Variants in RNLS observed in about 807,000 individuals in gnomAD.
The protein encoded by RNLS is renalase.
A neutral mutation model predicts 39.8 loss-of-function variants in RNLS; 39 were observed. The ratio of observed to expected loss-of-function variants is 0.98; its 90% CI spans 0.76 to 1.28. RNLS has a LOEUF of 1.28. RNLS is among the 50% of genes most tolerant of loss of function. RNLS has a pLI of 0.00. For synonymous variants in RNLS, 147 were observed against 150.7 expected, an observed-to-expected ratio of 0.98 and a Z score of 0.18; for missense variants, 410 against 413.3, an observed-to-expected ratio of 0.99 and a Z score of 0.07.
At chr10:88,571,640 T>C (rs531956064) in intron 4 of RNLS, among the ~76,000 whole-genome samples, 1 of 152,312 alleles carries the variant, frequency 6.6e-6, no homozygotes, top group East Asian at 1.9e-4. Context: ...GTGCAACTTC[T>C]TGGAGAAATG....
chr10:88,327,029 T>G (rs1016222309), intron 5 of RNLS, among the ~76,000 whole-genome samples: 41 of 152,194 alleles, frequency 2.7e-4, no homozygotes, highest in African/African-American at 9.6e-4. Context: ...AATGGGAGCA[T>G]TTATCCAATG....
At chr10:88,559,952 T>C (rs1010932945) in intron 4 of RNLS, among the ~76,000 whole-genome samples, 7 of 152,140 alleles carry the variant, frequency 4.6e-5, no homozygotes, top group African/African-American at 1.7e-4. Context: ...TATTTTTTAT[T>C]AATATATCAT....
intron 4 of RNLS, among the ~76,000 whole-genome samples, chr10:88,402,821 G>A (rs1853016223): frequency 1.3e-5 from 2 of 151,934 alleles, no homozygotes; most frequent in East Asian, 3.9e-4. Flanking sequence ...ATTGACAAAA[G>A]TACTGACAAG....
chr10:88,341,705 A>G (rs1239192087), intron 5 of RNLS, among the ~76,000 whole-genome samples: 2 of 152,178 alleles, frequency 1.3e-5, no homozygotes, highest in African/African-American at 4.8e-5. Flanking sequence ...TGTGGAAAAC[A>G]GCCTGAGGGA....
intron 4 of RNLS, among the ~76,000 whole-genome samples, chr10:88,463,758 G>A (rs147033734): frequency 1.1e-3 from 164 of 151,894 alleles, no homozygotes; most frequent in Non-Finnish European, 2.0e-3. Context: ...CTAGTATTTG[G>A]CTAAAAAATA....
chr10:88,244,374 G>GC, the RNLS span, among the ~76,000 whole-genome samples: 6 of 152,064 alleles, frequency 3.9e-5, no homozygotes, highest in Non-Finnish European at 7.4e-5. Flanking sequence ...AGGAGGCAAC[G>GC]CCCCCCCATA....
chr10:88,295,523 C>G (rs1180270153), intron 6 of RNLS, among the ~76,000 whole-genome samples: 1 of 152,022 alleles, frequency 6.6e-6, no homozygotes, highest in Non-Finnish European at 1.5e-5. Flanking sequence ...CTTTGTTGTG[C>G]TTTAGGGAAA....
chr10:88,381,775 TTACCTAGAACAGGGGTTGGTAA>T (rs1280118349), intron 4 of RNLS, among the ~76,000 whole-genome samples: 1 of 151,574 alleles, frequency 6.6e-6, no homozygotes, highest in African/African-American at 2.4e-5. Context: ...TTATACTTAG[TTACCTAGAACAGGGGTTGGTAA>T]ACTACCATCC....
intron 4 of RNLS, among the ~76,000 whole-genome samples, chr10:88,571,166 G>T (rs1014431664): frequency 2.6e-5 from 4 of 151,462 alleles, no homozygotes; most frequent in Non-Finnish European, 5.9e-5. Flanking sequence ...TTTTTTTGTA[G>T]AGATGAGGTC....
At position 88,536,557 on chromosome 10, in the gene RNLS, T is replaced by C. The variant is rs537995370; in HGVS notation, c.526+36346A>G. Among the ~76,000 whole-genome samples the C allele has an allele frequency of 4.0e-4, 61 of 152,292 alleles. 1 individual carries two copies. Among genetic ancestry groups the C allele is most frequent in the African/African-American group, 1.3e-3 (56 of 41,574 alleles). On this transcript the variant is annotated intron_variant, in intron 4 of 6. Coordinates refer to ENST00000331772, the MANE Select transcript of RNLS (RefSeq NM_001031709.3). ...AAGATCCTTTATACTCTAGCTCCTA[T>C]CTACCTCACCAGCATCATCTCCTAC...
chr10:88,247,129 TGGA>T, the RNLS span, among the ~76,000 whole-genome samples: 3 of 151,710 alleles, frequency 2.0e-5, no homozygotes, highest in Non-Finnish European at 4.4e-5. Context: ...GGGGAGAAAG[TGGA>T]GGAGAGATGA....
chr10:88,438,335 T>C (rs1200014683), intron 4 of RNLS, among the ~76,000 whole-genome samples: 4 of 152,170 alleles, frequency 2.6e-5, no homozygotes, highest in Admixed American at 1.3e-4. Flanking sequence ...GCTGATTCAA[T>C]CAGTTTTAAA....
At chr10:88,283,917 T>G (rs1189672253), downstream of RNLS, among the ~76,000 whole-genome samples, 5 of 152,194 alleles carry the variant, frequency 3.3e-5, no homozygotes, top group East Asian at 9.6e-4. Flanking sequence ...GTCACACAAG[T>G]TTACCTATAT....
chr10:88,457,420 A>G (rs780646006), intron 4 of RNLS, among the ~76,000 whole-genome samples: 4 of 152,224 alleles, frequency 2.6e-5, no homozygotes, highest in Non-Finnish European at 4.4e-5. Flanking sequence ...GGTGGCAACA[A>G]TGAAGATAAA....
chr10:88,193,120 G>A, the RNLS span, among the ~76,000 whole-genome samples: 3 of 152,138 alleles, frequency 2.0e-5, no homozygotes, highest in Admixed American at 6.5e-5. Context: ...CACAGGACCT[G>A]CAAACAATCA....
the RNLS span, among the ~76,000 whole-genome samples, chr10:88,241,000 C>A: frequency 6.8e-6 from 1 of 147,846 alleles, no homozygotes; most frequent in Non-Finnish European, 1.5e-5. Context: ...AATTGATTTT[C>A]TTATGTTAAA....
chr10:88,220,781 C>T, the RNLS span, among the ~76,000 whole-genome samples: 3 of 152,174 alleles, frequency 2.0e-5, no homozygotes, highest in Non-Finnish European at 2.9e-5. Flanking sequence ...TGAGCACCTA[C>T]TAAATGCCAG....
At chr10:88,421,809 G>A (rs1017621118) in intron 4 of RNLS, among the ~76,000 whole-genome samples, 3 of 151,962 alleles carry the variant, frequency 2.0e-5, no homozygotes, top group African/African-American at 7.3e-5. Flanking sequence ...TCCCAATTAC[G>A]TTTCCTCTGA....
chr10:88,350,087 GTTC>G (rs1269257418), intron 5 of RNLS, among the ~76,000 whole-genome samples: 3 of 152,016 alleles, frequency 2.0e-5, no homozygotes, highest in Non-Finnish European at 4.4e-5. Flanking sequence ...CATGATTATG[GTTC>G]TTCTTTTCTT....
Sources: allele counts gnomAD v4.1 joint callset (sites outside exome capture counted in the v4.1 genomes callset), GRCh38; gene constraint gnomAD v4.1.1; transcripts MANE v1.5; gene names NCBI Gene and HGNC (gene_info 2026-07-23, HGNC 2026-07-21).